The following RALGPS1 variants were observed in gnomAD, a reference collection of about 807,000 sequenced individuals.
The protein encoded by RALGPS1 is Ral GEF with PH domain and SH3 binding motif 1, also known as ras-specific guanine nucleotide-releasing factor RalGPS1.
In RALGPS1, 19 loss-of-function variants were observed where a neutral mutation model predicts 78.8. The ratio of observed to expected loss-of-function variants is 0.24; its 90% CI spans 0.17 to 0.35. The LOEUF is 0.35. Among genes scored for constraint, RALGPS1 ranks in the 10% least tolerant of loss-of-function variants. The pLI is 1.00. For synonymous variants in RALGPS1, 228 were observed against 256.3 expected (o/e 0.89, Z 1.06); for missense variants, 454 against 688.3 (o/e 0.66, Z 3.81).
rs149469754 is a variant in RALGPS1, at chr9:127,073,945, C to T, written c.610+4589C>T. Among the ~76,000 whole-genome samples the T allele has an allele frequency of 4.8e-3, 731 of 152,134 alleles. 8 individuals carry two copies. Among genetic ancestry groups the T allele is most frequent in the Non-Finnish European group, 5.3e-3 (357 of 67,994 alleles). On this transcript the variant is annotated intron_variant, in intron 8 of 18. Coordinates refer to ENST00000259351, the MANE Select transcript of RALGPS1 (RefSeq NM_014636.3). ...TGCCCAGGCTGGAGTGCAGTGGCGC[C>T]GTCTCGGCTCACTGCAACCTCTGCC...
At chr9:126,979,956 T>A (rs1251987574) in intron 4 of RALGPS1, among the ~76,000 whole-genome samples, 3 of 152,184 alleles carry the variant, frequency 2.0e-5, no homozygotes, top group Non-Finnish European at 2.9e-5. Flanking sequence ...ATCAGCCCTA[T>A]TTTGTAAAAG....
At chr9:126,951,129 ATC>A (rs1183346435) in intron 1 of RALGPS1, among the ~76,000 whole-genome samples, 3 of 152,068 alleles carry the variant, frequency 2.0e-5, no homozygotes, top group Non-Finnish European at 4.4e-5. Flanking sequence ...AAGAAGTTGA[ATC>A]TCTGAATAGA....
intron 1 of RALGPS1, among the ~76,000 whole-genome samples, chr9:126,916,335 C>T (rs1323488525): frequency 6.6e-6 from 1 of 152,188 alleles, no homozygotes; most frequent in African/African-American, 2.4e-5. Context: ...TGCTGCAACG[C>T]AGGGAGCAGT....
intron 3 of RALGPS1, among the ~76,000 whole-genome samples, chr9:126,971,026 T>C (rs866542617): frequency 3.7e-4 from 56 of 152,214 alleles, no homozygotes; most frequent in Admixed American, 2.6e-3. Context: ...AGAATTCTTT[T>C]GGAAATGAAG....
At position 127,218,438 on chromosome 9, in the gene RALGPS1, T is replaced by TGTG. The variant is rs1016168065; in HGVS notation, c.1645-301_1645-299dup. Among the ~76,000 whole-genome samples, 46 of 152,336 alleles carry TGTG rather than the reference T, an allele frequency of 3.0e-4. No homozygotes were observed. The highest frequency in any genetic ancestry group is 1.1e-3 in the African/African-American group (45 of 41,566). ...GTTCTTAGCCCTGCTGCTTACTTGC[T>TGTG]GTGTACTGAACCTCCCTAAGCCTCA... is the stretch of plus-strand genomic sequence containing the variant. On this transcript the variant is annotated intron_variant, in intron 18 of 18. Transcript: ENST00000259351. The surrounding 1 kb of genome is among the most constrained non-coding windows in gnomAD (Gnocchi z 4.4).
At chr9:127,105,469 T>C (rs2054132269) in intron 8 of RALGPS1, among the ~76,000 whole-genome samples, 1 of 152,178 alleles carries the variant, frequency 6.6e-6, no homozygotes, top group Non-Finnish European at 1.5e-5. Context: ...CACTAGTCAC[T>C]TGGGTTCCCA....
chr9:127,123,037 T>G (rs1010549355), intron 8 of RALGPS1, among the ~76,000 whole-genome samples: 1 of 152,216 alleles, frequency 6.6e-6, no homozygotes, highest in Non-Finnish European at 1.5e-5. Context: ...TGCAGCCGCG[T>G]GCGAGCAGCA....
intron 8 of RALGPS1, among the ~76,000 whole-genome samples, chr9:127,106,283 T>G (rs997667486): frequency 6.6e-6 from 1 of 152,152 alleles, no homozygotes; most frequent in African/African-American, 2.4e-5. Flanking sequence ...CGGTATTCTA[T>G]CAAGACAAAT....
chr9:127,191,215 C>T (rs1225799216), intron 11 of RALGPS1, among the ~76,000 whole-genome samples: 3 of 152,234 alleles, frequency 2.0e-5, no homozygotes, highest in Admixed American at 6.5e-5. Context: ...CGTTTTTGGT[C>T]GGTTGTTTTG....
At chr9:127,158,943 C>G (rs534223304) in intron 8 of RALGPS1, among the ~76,000 whole-genome samples, 1 of 151,370 alleles carries the variant, frequency 6.6e-6, no homozygotes, top group African/African-American at 2.4e-5. Flanking sequence ...CCAGATGCCC[C>G]GAAGCCACAC....
intron 18 of RALGPS1, chr9:127,215,905 T>C (rs1279635416): frequency 1.3e-5 from 2 of 152,420 alleles, no homozygotes; most frequent in Admixed American, 6.5e-5. Flanking sequence ...TTGGGAGGGC[T>C]AGGCGCATGG....
intron 4 of RALGPS1, among the ~76,000 whole-genome samples, chr9:127,015,089 T>C (rs958412533): frequency 2.6e-5 from 4 of 152,222 alleles, no homozygotes; most frequent in Admixed American, 6.5e-5. Flanking sequence ...CCCTGTCTTT[T>C]TGTTCCTTTT....
At chr9:127,007,643 T>TACC (rs2043963857) in intron 4 of RALGPS1, among the ~76,000 whole-genome samples, 1 of 152,070 alleles carries the variant, frequency 6.6e-6, no homozygotes, top group Non-Finnish European at 1.5e-5. Context: ...GAGCAGCATG[T>TACC]ACCAAGGCCT....
intron 1 of RALGPS1, among the ~76,000 whole-genome samples, chr9:126,952,614 G>T (rs1389018589): frequency 6.7e-6 from 1 of 149,176 alleles, no homozygotes; most frequent in Non-Finnish European, 1.5e-5. Flanking sequence ...AATCTGATGT[G>T]CTGTGGCTGT....
At chr9:127,202,854 A>G (rs2061712252) in intron 14 of RALGPS1, among the ~76,000 whole-genome samples, 1 of 152,038 alleles carries the variant, frequency 6.6e-6, no homozygotes, top group Admixed American at 6.5e-5. Flanking sequence ...CGAGGAGAGA[A>G]GGGGGGCCCC....
At chr9:126,922,535 TG>T (rs2034865512) in intron 1 of RALGPS1, among the ~76,000 whole-genome samples, 1 of 152,226 alleles carries the variant, frequency 6.6e-6, no homozygotes, top group Admixed American at 6.5e-5. Context: ...TGTCTTTCTC[TG>T]GCATAAAGTT....
At chr9:127,143,334 G>A (rs565663287) in intron 8 of RALGPS1, among the ~76,000 whole-genome samples, 2 of 152,198 alleles carry the variant, frequency 1.3e-5, no homozygotes, top group African/African-American at 4.8e-5. Context: ...TGGGTTTCCC[G>A]ATTTCACCAC....
At chr9:127,159,717 C>T (rs942243932) in intron 8 of RALGPS1, among the ~76,000 whole-genome samples, 1 of 152,194 alleles carries the variant, frequency 6.6e-6, no homozygotes, top group African/African-American at 2.4e-5. Context: ...GATGGAAATG[C>T]TTTGTGCTCT....
At chr9:127,206,406 C>T (rs1186774699) in intron 14 of RALGPS1, among the ~76,000 whole-genome samples, 4 of 152,114 alleles carry the variant, frequency 2.6e-5, no homozygotes, top group Admixed American at 1.3e-4. Flanking sequence ...TGGTGGAAGG[C>T]GAAGCAAACA....
Sources: gnomAD v4.1 joint callset for allele counts (sites outside exome capture counted in the v4.1 genomes callset) on GRCh38, gnomAD v4.1.1 for gene constraint, Gnocchi (gnomAD v3.1) non-coding constraint, MANE v1.5 for transcripts, NCBI Gene and HGNC (gene_info 2026-07-23, HGNC 2026-07-21) for gene names.